Variants in AKAP6 observed in about 807,000 individuals in gnomAD.
AKAP6 encodes A-kinase anchor protein 6.
Under a neutral mutation model 188.5 loss-of-function variants are expected in AKAP6, and 58 were observed. The observed-to-expected ratio is 0.31, with a 90% CI of 0.25 to 0.38. The LOEUF is 0.38. AKAP6 is among the 10% of genes least tolerant of loss of function. The pLI is 1.00. For synonymous variants in AKAP6, 989 were observed against 998.6 expected (o/e 0.99, Z 0.18); for missense variants, 2,710 against 2,740.0 (o/e 0.99, Z 0.24).
chr14:32,706,680 C>T (rs1890823995), intron 9 of AKAP6, among the ~76,000 whole-genome samples: 1 of 152,038 alleles, frequency 6.6e-6, no homozygotes, highest in African/African-American at 2.4e-5. Flanking sequence ...TTTTGTGAAA[C>T]TCATACATTC....
chr14:32,386,011 CTATA>C (rs202173275), intron 1 of AKAP6, among the ~76,000 whole-genome samples: 1 of 149,846 alleles, frequency 6.7e-6, no homozygotes, highest in Non-Finnish European at 1.5e-5. Context: ...GTATCTATAT[CTATA>C]TCTATCTATC....
chr14:32,641,462 A>G (rs1465915437), intron 7 of AKAP6, among the ~76,000 whole-genome samples: 1 of 128,828 alleles, frequency 7.8e-6, no homozygotes, highest in African/African-American at 3.1e-5. Context: ...AAATAGTGAA[A>G]CCCTGCTAAA....
At chr14:32,361,385 G>A (rs1056052237) in intron 1 of AKAP6, among the ~76,000 whole-genome samples, 5 of 152,142 alleles carry the variant, frequency 3.3e-5, no homozygotes, top group African/African-American at 4.8e-5. Flanking sequence ...AGGATGAAGA[G>A]CACATGCAAA....
chr14:32,735,611 T>C (rs748753623), intron 10 of AKAP6, 47 bp from the exon 11 acceptor site: 10 of 1,414,000 alleles, frequency 7.1e-6, no homozygotes, highest in Non-Finnish European at 9.6e-6. Context: ...GTGGGGTTTT[T>C]TTTTGTTTGT....
chr14:32,645,648 A>G (rs1055602904), intron 7 of AKAP6, among the ~76,000 whole-genome samples: 2 of 152,118 alleles, frequency 1.3e-5, no homozygotes, highest in Non-Finnish European at 2.9e-5. Context: ...TGTATTGATG[A>G]GCTCACATGC....
At position 32,815,338 on chromosome 14, in the gene AKAP6, G is replaced by A. The variant is rs2034350472; in HGVS notation, c.3589-6064G>A. On this transcript the variant is annotated intron_variant, in intron 12 of 13. Coordinates refer to ENST00000280979, the MANE Select transcript of AKAP6 (RefSeq NM_004274.5). ...CAAAGCGTTTTCTGAACTGAGACAAGTTACTTTAACATTGTTGTCAATCTG... is the reference window on the plus strand; with the variant it reads ...CAAAGCGTTTTCTGAACTGAGACAAATTACTTTAACATTGTTGTCAATCTG... 3.3e-5 allele frequency among the ~76,000 whole-genome samples: 5 copies of A among 152,292 alleles called. No homozygotes were observed. The South Asian group carries it at 8.3e-4, about 25-fold the overall frequency.
At chr14:32,620,693 A>G (rs1886782660) in intron 7 of AKAP6, among the ~76,000 whole-genome samples, 1 of 152,056 alleles carries the variant, frequency 6.6e-6, no homozygotes, top group Non-Finnish European at 1.5e-5. Context: ...TGAGTTAGAG[A>G]GGATTCCTTC....
chr14:32,665,352 G>A (rs564140622), intron 7 of AKAP6, among the ~76,000 whole-genome samples: 20 of 152,064 alleles, frequency 1.3e-4, no homozygotes, highest in Non-Finnish European at 2.6e-4. Context: ...TCTTTGGGTT[G>A]GATTAATATG....
intron 7 of AKAP6, among the ~76,000 whole-genome samples, chr14:32,649,566 G>A (rs1888124711): frequency 6.6e-6 from 1 of 152,046 alleles, no homozygotes; most frequent in Non-Finnish European, 1.5e-5. Flanking sequence ...GTTATTTTGT[G>A]TTTATTATTT....
At chr14:32,668,550 A>G (rs933953933) in intron 7 of AKAP6, among the ~76,000 whole-genome samples, 3 of 152,186 alleles carry the variant, frequency 2.0e-5, no homozygotes, top group African/African-American at 7.2e-5. Context: ...TGAATTTCCT[A>G]AACATTATAG....
chr14:32,462,920 A>AAC, intron 2 of AKAP6, among the ~76,000 whole-genome samples: 1 of 122,240 alleles, frequency 8.2e-6, no homozygotes, highest in Non-Finnish European at 1.6e-5. Context: ...AAAAAAAAAA[A>AAC]AAAAAACCCG....
At chr14:32,655,514 T>C (rs1359347946) in intron 7 of AKAP6, among the ~76,000 whole-genome samples, 1 of 152,200 alleles carries the variant, frequency 6.6e-6, no homozygotes, top group Non-Finnish European at 1.5e-5. Flanking sequence ...GTTGGGAAGC[T>C]AAGACTAGCA....
chr14:32,364,113 C>G (rs1887749820), intron 1 of AKAP6, among the ~76,000 whole-genome samples: 3 of 152,064 alleles, frequency 2.0e-5, no homozygotes, highest in Admixed American at 6.6e-5. Flanking sequence ...TGGTAAGCTG[C>G]TTTACACTGG....
intron 4 of AKAP6, among the ~76,000 whole-genome samples, chr14:32,573,872 G>A (rs1266531460): frequency 1.3e-5 from 2 of 152,198 alleles, no homozygotes; most frequent in Non-Finnish European, 2.9e-5. Context: ...CATGGTCTGT[G>A]TATAGAGGGG....
intron 12 of AKAP6, among the ~76,000 whole-genome samples, chr14:32,789,049 C>G (rs917787115): frequency 1.3e-5 from 2 of 152,180 alleles, no homozygotes; most frequent in African/African-American, 4.8e-5. Flanking sequence ...TTGGACAATA[C>G]AAACCGTATG....
At position 32,682,781 on chromosome 14, in the gene AKAP6, G is replaced by T. The variant is rs529752849; in HGVS notation, c.2879+4322G>T. Among the ~76,000 whole-genome samples, 37 of 152,230 alleles carry T rather than the reference G, an allele frequency of 2.4e-4. 1 individual carries two copies. The South Asian group carries it at 7.7e-3, about 32-fold the overall frequency. ...GGCAGAAGAAGATGATAGTGATTAGGTTCTAATGCTCACCACCAGTTGAGA... is the reference window on the plus strand; with the variant it reads ...GGCAGAAGAAGATGATAGTGATTAGTTTCTAATGCTCACCACCAGTTGAGA... On this transcript the variant is annotated intron_variant, in intron 8 of 13. Coordinates refer to ENST00000280979, the MANE Select transcript of AKAP6 (RefSeq NM_004274.5).
At chr14:32,563,017 T>C (rs1205141319) in intron 4 of AKAP6, among the ~76,000 whole-genome samples, 1 of 152,180 alleles carries the variant, frequency 6.6e-6, no homozygotes, top group Non-Finnish European at 1.5e-5. Flanking sequence ...CTAGACACAC[T>C]TTTATACAAG....
At chr14:32,390,573 A>G (rs1888678575) in intron 1 of AKAP6, among the ~76,000 whole-genome samples, 1 of 151,890 alleles carries the variant, frequency 6.6e-6, no homozygotes, top group Non-Finnish European at 1.5e-5. Context: ...CCCTTTTCCT[A>G]TGGATGTGGC....
chr14:32,463,533 A>G (rs183904936), intron 2 of AKAP6, among the ~76,000 whole-genome samples: 159 of 152,322 alleles, frequency 1.0e-3, no homozygotes, highest in African/African-American at 3.5e-3. Context: ...GCAGAAATAA[A>G]TAAGTTCTTT....
Sources: allele counts gnomAD v4.1 joint callset (sites outside exome capture counted in the v4.1 genomes callset), GRCh38; gene constraint gnomAD v4.1.1; transcripts MANE v1.5; gene names NCBI Gene and HGNC (gene_info 2026-07-23, HGNC 2026-07-21).